OR9Q1: variants seen among roughly 807,000 people sequenced by gnomAD.
OR9Q1 encodes the protein olfactory receptor 9Q1.
For missense variants in OR9Q1, 374 were observed against 378.8 expected (o/e 0.99, Z 0.11); for synonymous variants, 153 against 148.6 (o/e 1.03, Z -0.22).
chr11:58,084,144 T>C (rs1293502207), intron 2 of OR9Q1, among the ~76,000 whole-genome samples: 1 of 151,872 alleles, frequency 6.6e-6, no homozygotes, highest in Non-Finnish European at 1.5e-5. Context: ...TCAGGAGTGT[T>C]TTGTAGTTCT....
chr11:58,161,408 A>G (rs1040223788), intron 2 of OR9Q1, among the ~76,000 whole-genome samples: 2 of 152,130 alleles, frequency 1.3e-5, no homozygotes, highest in Non-Finnish European at 2.9e-5. Context: ...GGCGTAATAG[A>G]TGGACAGAAA....
chr11:58,032,949 A>G (rs901414277), intron 1 of OR9Q1, among the ~76,000 whole-genome samples: 1 of 152,244 alleles, frequency 6.6e-6, no homozygotes, highest in African/African-American at 2.4e-5. Flanking sequence ...GGTAGAGGAC[A>G]TGAACAGACA....
At chr11:58,102,543 A>G (rs1853794420) in intron 2 of OR9Q1, among the ~76,000 whole-genome samples, 1 of 145,790 alleles carries the variant, frequency 6.9e-6, no homozygotes, top group Non-Finnish European at 1.5e-5. Context: ...TGGGTATAGT[A>G]TTCTTGGGTG....
chr11:58,118,575 G>A (rs769562080), intron 2 of OR9Q1: 1 of 1,613,998 alleles, frequency 6.2e-7, no homozygotes, highest in Admixed American at 1.7e-5. Flanking sequence ...TTCTTAAGCT[G>A]TAGATCAGAG....
chr11:58,098,565 C>T (rs1023767611), intron 2 of OR9Q1, among the ~76,000 whole-genome samples: 2 of 152,084 alleles, frequency 1.3e-5, no homozygotes, highest in African/African-American at 4.8e-5. Context: ...ACCCAGGAGG[C>T]GGAGCTTGCA....
intron 2 of OR9Q1, among the ~76,000 whole-genome samples, chr11:58,158,713 T>C (rs1239903338): frequency 2.6e-5 from 4 of 152,148 alleles, no homozygotes; most frequent in Admixed American, 6.6e-5. Context: ...ATGGGCTAGT[T>C]TGAGACCCTT....
rs188350957 is a variant in OR9Q1 at position 58,155,037 on chromosome 11, C to A, written c.-14-24394C>A. Among the ~76,000 whole-genome samples the A allele has an allele frequency of 3.1e-3, 474 of 152,270 alleles. 5 individuals carry two copies. Among genetic ancestry groups the A allele is most frequent in the African/African-American group, 0.011 (447 of 41,532 alleles). ...TCTACCTACCTTCCTGCCTACCTAC[C>A]TACCTGTCTACCTATCTATCTAGAT... On this transcript the variant is annotated intron_variant, in intron 2 of 2. Coordinates refer to ENST00000335397, the MANE Select transcript of OR9Q1 (RefSeq NM_001005212.4).
intron 1 of OR9Q1, among the ~76,000 whole-genome samples, chr11:58,037,689 ATTTTTTTTTTTTTTTTTTTTTTT>A (rs554392577): frequency 2.1e-3 from 15 of 6,986 alleles, no homozygotes; most frequent in African/African-American, 4.8e-3. Context: ...ATATATATAT[ATTTTTTTTTTTTTTTTTTTTTTT>A]TTTTTTTTTT....
intron 2 of OR9Q1, among the ~76,000 whole-genome samples, chr11:58,137,924 A>T (rs1310790001): frequency 6.6e-6 from 1 of 152,194 alleles, no homozygotes. Flanking sequence ...CTGTCATTAG[A>T]CTTTTAAGAG....
Position 58,108,447 on chromosome 11 carries a change from G to A in OR9Q1, c.-15+52500G>A, listed in dbSNP as rs888645074. On this transcript the variant is annotated intron_variant, in intron 2 of 2. Coordinates refer to ENST00000335397, the MANE Select transcript of OR9Q1 (RefSeq NM_001005212.4). ...TATGACTATGCTACTTTTTATCTCT[G>A]TGATGCCAGAGAGTAGCCCTAGAAT... Among the ~76,000 whole-genome samples, 11 of 152,246 alleles carry A rather than the reference G, an allele frequency of 7.2e-5. No homozygotes were observed. In the South Asian group the frequency reaches 1.2e-3, roughly 17 times the overall value.
At chr11:58,091,299 C>T (rs1468203130) in intron 2 of OR9Q1, among the ~76,000 whole-genome samples, 3 of 152,156 alleles carry the variant, frequency 2.0e-5, no homozygotes, top group Non-Finnish European at 4.4e-5. Context: ...AAATTCGCTT[C>T]TTAACACTAA....
intron 1 of OR9Q1, chr11:58,030,983 G>C (rs1307249463): frequency 3.7e-6 from 6 of 1,613,910 alleles, no homozygotes; most frequent in African/African-American, 1.3e-5. Context: ...CTGGACCCAG[G>C]TAACTGAATT....
chr11:58,107,753 CTT>C (rs1853856429), intron 2 of OR9Q1, among the ~76,000 whole-genome samples: 3 of 151,908 alleles, frequency 2.0e-5, no homozygotes, highest in Non-Finnish European at 4.4e-5. Flanking sequence ...TTATTTGTCT[CTT>C]CTTTAATTTC....
chr11:58,088,877 TC>T (rs1195591580), intron 2 of OR9Q1, among the ~76,000 whole-genome samples: 2 of 151,722 alleles, frequency 1.3e-5, no homozygotes, highest in Admixed American at 6.6e-5. Context: ...TGCAATTGCT[TC>T]TTTTTTTTTG....
chr11:58,072,529 T>C, intron 2 of OR9Q1: 1 of 156,886 alleles, frequency 6.4e-6, no homozygotes, highest in East Asian at 1.8e-4. Context: ...CTTCACATTT[T>C]CTGTTGTAAT....
intron 2 of OR9Q1, among the ~76,000 whole-genome samples, chr11:58,110,082 C>A (rs1046034158): frequency 2.0e-5 from 3 of 152,182 alleles, no homozygotes; most frequent in Non-Finnish European, 4.4e-5. Flanking sequence ...CAGGGCCATT[C>A]ATACAGATGT....
intron 1 of OR9Q1, chr11:58,031,845 A>G (rs757234868): frequency 1.9e-6 from 3 of 1,614,124 alleles, no homozygotes; most frequent in Non-Finnish European, 2.5e-6. Context: ...AGTCTTAGGA[A>G]CAAGGAAGTG....
At chr11:58,168,518 C>T (rs1011851211) in intron 2 of OR9Q1, among the ~76,000 whole-genome samples, 1 of 152,040 alleles carries the variant, frequency 6.6e-6, no homozygotes, top group African/African-American at 2.4e-5. Context: ...TGAAGCATTC[C>T]TTCTCATAAT....
chr11:58,032,676 G>A (rs938087036), intron 1 of OR9Q1, among the ~76,000 whole-genome samples: 1 of 152,098 alleles, frequency 6.6e-6, no homozygotes, highest in Admixed American at 6.6e-5. Flanking sequence ...AGAAGACCTA[G>A]GAAATACCCT....
Sources: gnomAD v4.1 joint callset for allele counts (sites outside exome capture counted in the v4.1 genomes callset) on GRCh38, gnomAD v4.1.1 for gene constraint, MANE v1.5 for transcripts, NCBI Gene and HGNC (gene_info 2026-07-23, HGNC 2026-07-21) for gene names.